SUPT3H: variants seen among roughly 807,000 people sequenced by gnomAD.
SUPT3H encodes SPT3 homolog, SAGA and STAGA complex component, also known as transcription initiation protein SPT3 homolog.
In SUPT3H, 44 loss-of-function variants were observed where a neutral mutation model predicts 44.3. The ratio of observed to expected loss-of-function variants is 0.99; its 90% CI spans 0.78 to 1.28. The LOEUF (loss-of-function observed/expected upper bound fraction) is 1.28. Ranked by LOEUF, SUPT3H falls within the 50% of genes most tolerant of loss-of-function variation. The probability of loss-of-function intolerance (pLI) is 0.00; values close to 1 mark genes in which losing one functional copy is unlikely to be tolerated. For missense variants in SUPT3H, 380 were observed against 387.1 expected (o/e 0.98, Z 0.15); for synonymous variants, 124 against 125.6 (o/e 0.99, Z 0.09).
intron 5 of SUPT3H, among the ~76,000 whole-genome samples, chr6:45,011,017 A>G (rs1783408258): frequency 6.6e-6 from 1 of 152,150 alleles, no homozygotes; most frequent in Non-Finnish European, 1.5e-5. Context: ...GATGCATTAC[A>G]TGAATTGTTT....
chr6:45,007,475 TTGAGA>T (rs1004485773), intron 5 of SUPT3H, among the ~76,000 whole-genome samples: 2 of 152,146 alleles, frequency 1.3e-5, no homozygotes, highest in Admixed American at 6.6e-5. Flanking sequence ...TCTATGTGCT[TTGAGA>T]TAACTATTGC....
intron 2 of SUPT3H, among the ~76,000 whole-genome samples, chr6:45,332,355 T>G (rs971541146): frequency 6.6e-6 from 1 of 151,562 alleles, no homozygotes; most frequent in African/African-American, 2.4e-5. Context: ...TGTATATATA[T>G]ATTTAAAAAA....
intron 3 of SUPT3H, among the ~76,000 whole-genome samples, chr6:45,090,419 A>T (rs1017673488): frequency 6.6e-6 from 1 of 152,062 alleles, no homozygotes; most frequent in African/African-American, 2.4e-5. Flanking sequence ...GAACAAATAA[A>T]TTAGATATGT....
intron 2 of SUPT3H, among the ~76,000 whole-genome samples, chr6:45,188,130 C>T (rs955394058): frequency 1.8e-4 from 27 of 152,178 alleles, no homozygotes; most frequent in African/African-American, 6.0e-4. Flanking sequence ...AGCATCACAG[C>T]GGTTGTGTTT....
intron 9 of SUPT3H, among the ~76,000 whole-genome samples, chr6:44,934,333 T>C (rs1041876363): frequency 7.2e-5 from 11 of 152,196 alleles, no homozygotes; most frequent in Non-Finnish European, 1.6e-4. Context: ...ATAAGGATAC[T>C]TACTATAGTA....
At chr6:45,176,751 A>C (rs1471202317) in intron 2 of SUPT3H, among the ~76,000 whole-genome samples, 3 of 152,198 alleles carry the variant, frequency 2.0e-5, no homozygotes, top group Non-Finnish European at 2.9e-5. Flanking sequence ...CTGCCTCCTC[A>C]AGTGGGTCCC....
At chr6:45,143,148 T>A (rs1236238740) in intron 2 of SUPT3H, among the ~76,000 whole-genome samples, 1 of 152,062 alleles carries the variant, frequency 6.6e-6, no homozygotes, top group Non-Finnish European at 1.5e-5. Flanking sequence ...ACTAGACAGG[T>A]CATCAAGACA....
chr6:45,345,909 G>C (rs1190544057), intron 2 of SUPT3H, among the ~76,000 whole-genome samples: 2 of 151,958 alleles, frequency 1.3e-5, no homozygotes, highest in Non-Finnish European at 2.9e-5. Context: ...TAAGCTATTT[G>C]CTCCAAATGC....
At chr6:45,322,797 C>T (rs1190047000) in intron 2 of SUPT3H, 2 of 989,002 alleles carry the variant, frequency 2.0e-6, no homozygotes, top group Non-Finnish European at 3.3e-6. Context: ...TGGTCTCGCC[C>T]ATATATTTTG....
Position 45,237,427 on chromosome 6 carries a change from G to A in SUPT3H, c.101+127774C>T, listed in dbSNP as rs139691738. 6.6e-3 allele frequency among the ~76,000 whole-genome samples: 1,004 copies of A among 152,238 alleles called. 9 individuals carry two copies. The highest frequency in any genetic ancestry group is 0.01 in the Non-Finnish European group (702 of 68,030). On this transcript the variant is annotated intron_variant, in intron 2 of 10. Transcript: ENST00000371459. ...AACTTCTGTACCTATAAATTTATGGGGAAGAGATTTATTACAACAATGGGG... is the reference window on the plus strand; with the variant it reads ...AACTTCTGTACCTATAAATTTATGGAGAAGAGATTTATTACAACAATGGGG...
At chr6:45,287,079 C>T (rs1426934237) in intron 2 of SUPT3H, among the ~76,000 whole-genome samples, 2 of 151,954 alleles carry the variant, frequency 1.3e-5, no homozygotes, top group African/African-American at 2.4e-5. Context: ...ACATCACACA[C>T]CGGAGCCTGT....
chr6:44,840,890 A>G (rs558738292), intron 10 of SUPT3H, among the ~76,000 whole-genome samples: 88 of 152,350 alleles, frequency 5.8e-4, no homozygotes, highest in Non-Finnish European at 6.8e-4. Context: ...ATATGGTGAT[A>G]TTAAAGAGTC....
Position 45,061,893 on chromosome 6 carries a change from GTTTTTTTTTT to G in SUPT3H, c.187-41271_187-41262del, listed in dbSNP as rs34656186. ...ACAGCCAGTTTTTTATCCATAAGCT[GTTTTTTTTTT>G]TTTTTTTTTTTGGCAAAGACTCAAA... On this transcript the variant is annotated intron_variant, in intron 3 of 10. Transcript: ENST00000371459. Among the ~76,000 whole-genome samples the G allele has an allele frequency of 3.2e-5, 3 of 93,518 alleles. No homozygotes were observed. In the East Asian group the frequency reaches 9.7e-4, roughly 30 times the overall value. 61.4% of individuals were successfully genotyped at this position (93,518 alleles called of 152,430 possible).
intron 6 of SUPT3H, among the ~76,000 whole-genome samples, chr6:44,974,258 A>AAT (rs745507365): frequency 6.6e-6 from 1 of 151,250 alleles, no homozygotes; most frequent in Admixed American, 6.6e-5. Context: ...TGTATATATA[A>AAT]ATATATATAT....
rs1339522908 is a variant in SUPT3H, at chr6:44,857,323, C to T, written c.913-27466G>A. On this transcript the variant is annotated intron_variant, in intron 10 of 10. Transcript: ENST00000371459. ...AAAGGACAAAAGCGGAAGAGAAACACATTCTCTTAAGCTCGTATGGGTTTG... is the reference window on the plus strand; with the variant it reads ...AAAGGACAAAAGCGGAAGAGAAACATATTCTCTTAAGCTCGTATGGGTTTG... Among the ~76,000 whole-genome samples the T allele has an allele frequency of 7.9e-5, 12 of 152,226 alleles. No homozygotes were observed. In the East Asian group the frequency reaches 1.7e-3, roughly 22 times the overall value.
intron 10 of SUPT3H, among the ~76,000 whole-genome samples, chr6:44,894,459 G>A (rs752328339): frequency 2.1e-5 from 3 of 146,016 alleles, no homozygotes; most frequent in African/African-American, 7.3e-5. Context: ...AGTTTTCCCA[G>A]CACCATTTAT....
chr6:45,203,560 T>G (rs778123121), intron 2 of SUPT3H, among the ~76,000 whole-genome samples: 5 of 152,212 alleles, frequency 3.3e-5, no homozygotes, highest in Non-Finnish European at 5.9e-5. Flanking sequence ...GATGATCTGT[T>G]TGAAATGCAA....
At chr6:45,108,810 T>C (rs1799650615) in intron 2 of SUPT3H, among the ~76,000 whole-genome samples, 1 of 152,086 alleles carries the variant, frequency 6.6e-6, no homozygotes, top group Non-Finnish European at 1.5e-5. Flanking sequence ...GTCAATATAA[T>C]ATTTAAGATT....
chr6:45,266,578 AATT>A (rs1775300991), intron 2 of SUPT3H, among the ~76,000 whole-genome samples: 1 of 151,964 alleles, frequency 6.6e-6, no homozygotes, highest in Non-Finnish European at 1.5e-5. Context: ...ATGTATATTA[AATT>A]ATTAAATATT....
Sources: allele counts gnomAD v4.1 joint callset (sites outside exome capture counted in the v4.1 genomes callset), GRCh38; gene constraint gnomAD v4.1.1; transcripts MANE v1.5; gene names NCBI Gene and HGNC (gene_info 2026-07-23, HGNC 2026-07-21).